The following COL9A3 variants were observed in gnomAD, a reference collection of about 807,000 sequenced individuals.
The protein encoded by COL9A3 is collagen alpha-3(IX) chain.
A neutral mutation model predicts 110.2 loss-of-function variants in COL9A3; 82 were observed. That is an observed-to-expected ratio of 0.74 (90% confidence interval 0.62 to 0.89). The LOEUF (loss-of-function observed/expected upper bound fraction) is 0.89, where lower values mean the gene tolerates loss of function less well. COL9A3 is among the 40% of genes least tolerant of loss of function. The pLI is 0.00. For missense variants in COL9A3, 1,066 were observed against 981.3 expected (o/e 1.09, Z -1.15); for synonymous variants, 494 against 403.8 (o/e 1.22, Z -2.68).
Position 62,826,839 on chromosome 20 carries a change from G to T in COL9A3, c.792+19G>T. On this transcript the variant is annotated intron_variant, in intron 15 of 31. Coordinates refer to ENST00000649368, the MANE Select transcript of COL9A3 (RefSeq NM_001853.4). ...GAAAGCGGTACGTGTGTCAGTGGAC[G>T]GTGGGCGCCATGCCTCGTGACCTCT... 1.9e-6 allele frequency: 3 copies of T among 1,612,204 alleles called. No individual in the cohort carries two copies. The highest frequency in any genetic ancestry group is 2.5e-6 in the Non-Finnish European group (3 of 1,179,786).
intron 17 of COL9A3, 40 bp downstream of exon 17, chr20:62,828,016 G>T: frequency 1.2e-6 from 2 of 1,608,822 alleles, no homozygotes; most frequent in African/African-American, 1.3e-5. Flanking sequence ...TCCTCCCCCG[G>T]GTCCTGGGTA....
At chr20:62,819,118 A>T in intron 3 of COL9A3, 104 bp from the exon 4 acceptor site, 1 of 1,137,510 alleles carries the variant, frequency 8.8e-7, no homozygotes. Context: ...CCCATCCCGT[A>T]TGGTTGGGCT....
intron 1 of COL9A3, 105 bp downstream of exon 1, chr20:62,817,247 CG>C: frequency 2.3e-6 from 2 of 856,192 alleles, no homozygotes; most frequent in South Asian, 8.3e-5. Context: ...GCCCCCAGCC[CG>C]TGTCGCCGTC....
chr20:62,819,139 G>A (rs1991033770), intron 3 of COL9A3, 83 bp from the exon 4 acceptor site: 1 of 1,364,368 alleles, frequency 7.3e-7, no homozygotes, highest in South Asian at 1.2e-5. Flanking sequence ...GGGGGGAAGT[G>A]GAAAGCATTT....
At position 62,817,575 on chromosome 20, in the gene COL9A3, A is replaced by T; in HGVS notation, c.87A>T (p.Gly29=). The change falls in exon 2 of 32, where the codon GGA becomes GGT. Residue 29 remains glycine (G), a synonymous_variant. Coordinates refer to ENST00000649368, the MANE Select transcript of COL9A3 (RefSeq NM_001853.4). ...AGTTTTCTCCGTTTCAGAGAGTGGG[A>T]CTCCCCGGCCCCCCCGGCCCCCCAG... ...LLAAAGAQRV[G]LPGPPGPPGP... 6.5e-7 allele frequency: 1 copy of T among 1,544,282 alleles called. No homozygotes were observed. The highest frequency in any genetic ancestry group is 1.4e-5 in the African/African-American group (1 of 72,780).
At chr20:62,834,781 T>C (rs2063622489) in intron 26 of COL9A3, among the ~76,000 whole-genome samples, 1 of 152,176 alleles carries the variant, frequency 6.6e-6, no homozygotes, top group Non-Finnish European at 1.5e-5. Flanking sequence ...TAGCTGGGAC[T>C]ACAGGTGCCC....
chr20:62,817,590 CGGCCCCCCAG>C lies in COL9A3; in HGVS notation c.107_116del (p.Pro36ArgfsTer49), dbSNP rs1470627424. ...AGAGAGTGGGACTCCCCGGCCCCCC[CGGCCCCCCAG>C]GGCCGCCCGGGAAGCCCGGCCAGGA... On this transcript the variant is annotated frameshift_variant, in exon 2 of 32. Transcript: ENST00000649368. LOFTEE classifies it high-confidence loss of function. 21 of 1,546,148 alleles carry C rather than the reference CGGCCCCCCAG, an allele frequency of 1.4e-5. No individual in the cohort carries two copies. Among genetic ancestry groups the C allele is most frequent in the African/African-American group, 2.7e-5 (2 of 72,956 alleles).
In COL9A3 at chr20:62,821,207, C is replaced by T. The variant is rs371988199; in HGVS notation, c.336C>T (p.Pro112=). Residue 112 remains proline, a synonymous_variant, in exon 6 of 32, where the codon CCC becomes CCT. Transcript: ENST00000649368. ...GAAGTCTGGGACCCCCGGGGCCGCC[C>T]GGGCTGGGGGTGAGTATGGAGTGTG... The part of the protein sequence containing the change: ...ERGSLGPPGP[P]GLGGKGLPGP... 29 of 1,613,074 alleles carry T rather than the reference C, an allele frequency of 1.8e-5. No individual in the cohort carries two copies. Among genetic ancestry groups the T allele is most frequent in the Admixed American group, 1.2e-4 (7 of 59,958 alleles).
chr20:62,826,176 C>A, intron 13 of COL9A3, 28 bp from the exon 14 acceptor site: 1 of 1,551,266 alleles, frequency 6.4e-7, no homozygotes, highest in South Asian at 1.2e-5. Context: ...GCAGCCCCAG[C>A]CTCTGCATCT....
Position 62,822,104 on chromosome 20 carries a change from T to TC in COL9A3, c.424-3dup. On this transcript the variant is annotated splice_polypyrimidine_tract_variant and splice_region_variant and intron_variant, in intron 8 of 31. Transcript: ENST00000649368. ...CCCACTCTGTCTAAGTCATACCCCC[T>TC]CCCCAGGGACCTTCTGGACTCCCCG... is the stretch of plus-strand genomic sequence containing the variant. 6.5e-7 allele frequency: 1 copy of TC among 1,536,216 alleles called. No homozygotes were observed. The highest frequency in any genetic ancestry group is 9.0e-7 in the Non-Finnish European group (1 of 1,110,062).
At chr20:62,826,468 G>GCT (rs2063553609) in intron 14 of COL9A3, among the ~76,000 whole-genome samples, 1 of 152,110 alleles carries the variant, frequency 6.6e-6, no homozygotes, top group Non-Finnish European at 1.5e-5. Flanking sequence ...ACTGATGCCC[G>GCT]CACGCGGTCC....
At chr20:62,819,357 G>T in intron 4 of COL9A3, 64 bp downstream of exon 4, 2 of 1,471,354 alleles carry the variant, frequency 1.4e-6, no homozygotes, top group Non-Finnish European at 1.9e-6. Flanking sequence ...GAGGAGTCCG[G>T]CCCTAATTGC....
chr20:62,832,198 G>C lies in COL9A3; in HGVS notation c.1323+9G>C, dbSNP rs983240486. On this transcript the variant is annotated intron_variant, in intron 25 of 31. Coordinates refer to ENST00000649368, the MANE Select transcript of COL9A3 (RefSeq NM_001853.4). Reference sequence around the variant, plus strand: ...GCCCTAAGGGAGACCAGGTGAGCTGGGCACAGGCTGGGGCAAAAGGAATGA... The same window carrying C: ...GCCCTAAGGGAGACCAGGTGAGCTGCGCACAGGCTGGGGCAAAAGGAATGA... 12 of 1,612,572 alleles carry C rather than the reference G, an allele frequency of 7.4e-6. No individual in the cohort carries two copies. Among genetic ancestry groups the C allele is most frequent in the Admixed American group, 1.7e-5 (1 of 60,008 alleles).
chr20:62,829,306 A>C, intron 19 of COL9A3, 149 bp from the exon 20 acceptor site: 2 of 1,085,670 alleles, frequency 1.8e-6, no homozygotes, highest in Non-Finnish European at 2.7e-6. Flanking sequence ...TCAAAGCCGC[A>C]CCTCAGGTCC....
In COL9A3 at chr20:62,833,037, C is replaced by G; in HGVS notation, c.1341C>G (p.Asp447Glu). 1 of 1,613,830 alleles carries G rather than the reference C, an allele frequency of 6.2e-7. No individual in the cohort carries two copies. The highest frequency in any genetic ancestry group is 1.7e-5 in the Admixed American group (1 of 60,026). The change falls in exon 26 of 32, where the codon GAC (aspartate) becomes GAG (glutamate). Residue 447 changes from aspartate to glutamate, a missense_variant. Physicochemically the swap from Asp to Glu is conservative, Grantham distance 45. Transcript: ENST00000649368. The stretch of plus-strand genomic sequence containing the variant: ...GTTTTCAGGGTATTGCAGGTTCCGA[C>G]GGTCTTCCTGGGGATAAAGGAGAAC... Reference protein sequence around the residue: ...PKGDQGIAGSDGLPGDKGELG... With the variant: ...PKGDQGIAGSEGLPGDKGELG...
At position 62,840,522 on chromosome 20, in the gene COL9A3, C is replaced by A. The variant is rs930494508; in HGVS notation, c.1865-20C>A. On this transcript the variant is annotated intron_variant, in intron 31 of 31. Coordinates refer to ENST00000649368, the MANE Select transcript of COL9A3 (RefSeq NM_001853.4). ...TCAGTCCGGGCTGCAGCTGAACTCA[C>A]CTTTCTGCTCTGTCCCAAGGACCCC... 6 of 1,608,900 alleles carry A rather than the reference C, an allele frequency of 3.7e-6. No homozygotes were observed. In the African/African-American group the frequency reaches 6.7e-5, roughly 18 times the overall value.
At chr20:62,835,099 G>A (rs1384910059) in intron 26 of COL9A3, among the ~76,000 whole-genome samples, 1 of 152,184 alleles carries the variant, frequency 6.6e-6, no homozygotes, top group African/African-American at 2.4e-5. Flanking sequence ...GCTGTGTGAG[G>A]TGACCCCCTA....
rs545505936 is a variant in COL9A3 at position 62,834,884 on chromosome 20, T to C, written c.1369-1037T>C. Among the ~76,000 whole-genome samples the C allele has an allele frequency of 1.2e-4, 18 of 151,998 alleles. No individual in the cohort carries two copies. The East Asian group carries it at 3.3e-3, about 28-fold the overall frequency. On this transcript the variant is annotated intron_variant, in intron 26 of 31. Coordinates refer to ENST00000649368, the MANE Select transcript of COL9A3 (RefSeq NM_001853.4). The stretch of plus-strand genomic sequence containing the variant: ...TCAAACTCCTGACCTTGTGATCCGC[T>C]CGCCTTGGCCTCCCAAAGTGCTGGG...
At chr20:62,825,075 C>T (rs868738391) in intron 12 of COL9A3, 54 bp downstream of exon 12, 1 of 1,273,198 alleles carries the variant, frequency 7.9e-7, no homozygotes, top group Non-Finnish European at 1.1e-6. Flanking sequence ...GGCTGGGCTC[C>T]GGCGGGAGGG....
Sources: allele counts gnomAD v4.1 joint callset (sites outside exome capture counted in the v4.1 genomes callset), GRCh38; gene constraint gnomAD v4.1.1; transcripts MANE v1.5; gene names NCBI Gene and HGNC (gene_info 2026-07-23, HGNC 2026-07-21).